The following CAB39 variants were observed in gnomAD, a reference collection of about 807,000 sequenced individuals.
The protein encoded by CAB39 is calcium-binding protein 39.
In CAB39, 8 loss-of-function variants were observed where a neutral mutation model predicts 40.0. The observed-to-expected ratio is 0.20, with a 90% CI of 0.12 to 0.36. CAB39 has a LOEUF of 0.36. Among genes scored for constraint, CAB39 ranks in the 10% least tolerant of loss-of-function variants. The probability of loss-of-function intolerance (pLI) is 1.00; values close to 1 mark genes in which losing one functional copy is unlikely to be tolerated. For missense variants in CAB39, 270 were observed against 401.1 expected (o/e 0.67, Z 2.79); for synonymous variants, 156 against 141.6 (o/e 1.10, Z -0.72).
At chr2:230,736,689 G>C (rs148923169) in intron 1 of CAB39, among the ~76,000 whole-genome samples, 86 of 152,266 alleles carry the variant, frequency 5.6e-4, no homozygotes, top group African/African-American at 2.0e-3. Flanking sequence ...TCAAATCGTG[G>C]TCAGGAGGAG....
chr2:230,811,894 G>T (rs1167399347), intron 6 of CAB39, among the ~76,000 whole-genome samples: 1 of 152,188 alleles, frequency 6.6e-6, no homozygotes, highest in African/African-American at 2.4e-5. Context: ...CAGTAAAATA[G>T]CTTCCTACAT....
intron 2 of CAB39, chr2:230,779,104 T>A (rs930895193): frequency 6.6e-6 from 1 of 152,202 alleles, no homozygotes; most frequent in African/African-American, 2.4e-5. Flanking sequence ...ATTTTAACTT[T>A]AAAAAATTAT....
intron 1 of CAB39, among the ~76,000 whole-genome samples, chr2:230,755,493 GT>G (rs1388781573): frequency 5.3e-5 from 8 of 151,950 alleles, no homozygotes; most frequent in East Asian, 1.9e-4. Context: ...GGGATTATTG[GT>G]TTTTTTCTTA....
In CAB39 at chr2:230,802,895, C is replaced by T. The variant is rs1052600294; in HGVS notation, c.567+3998C>T. Among the ~76,000 whole-genome samples the T allele has an allele frequency of 3.9e-5, 6 of 152,260 alleles. No individual in the cohort carries two copies. The East Asian group carries it at 9.6e-4, about 24-fold the overall frequency. On this transcript the variant is annotated intron_variant, in intron 5 of 8. Transcript: ENST00000258418. ...TCAACAGAAAAAGAGGGAATCTTCC[C>T]TAACTCATTTTATGAGGCCAGCATC...
At chr2:230,733,082 A>G (rs1282511238) in intron 1 of CAB39, among the ~76,000 whole-genome samples, 2 of 152,192 alleles carry the variant, frequency 1.3e-5, no homozygotes, top group Non-Finnish European at 2.9e-5. Flanking sequence ...AGATTGAGAA[A>G]TGGACATGCA....
intron 1 of CAB39, among the ~76,000 whole-genome samples, chr2:230,718,130 A>G (rs1209608203): frequency 6.6e-6 from 1 of 152,212 alleles, no homozygotes; most frequent in Non-Finnish European, 1.5e-5. Context: ...TTATATGGTA[A>G]TTATTCTTTG....
chr2:230,728,058 G>A (rs1366200865), intron 1 of CAB39, among the ~76,000 whole-genome samples: 1 of 151,808 alleles, frequency 6.6e-6, no homozygotes, highest in Non-Finnish European at 1.5e-5. Context: ...GGTCAACATG[G>A]TGAAACCCAG....
At chr2:230,786,353 T>C (rs1695793619) in intron 2 of CAB39, among the ~76,000 whole-genome samples, 1 of 150,946 alleles carries the variant, frequency 6.6e-6, no homozygotes, top group Non-Finnish European at 1.5e-5. Context: ...CCTTCCTTTT[T>C]TTGGGGGGTG....
chr2:230,727,220 T>C (rs1307923727), intron 1 of CAB39, among the ~76,000 whole-genome samples: 1 of 149,776 alleles, frequency 6.7e-6, no homozygotes, highest in South Asian at 2.1e-4. Context: ...TTTAATAATA[T>C]ATGTAAATAT....
At chr2:230,802,882 G>C (rs1696116968) in intron 5 of CAB39, among the ~76,000 whole-genome samples, 1 of 152,182 alleles carries the variant, frequency 6.6e-6, no homozygotes, top group South Asian at 2.1e-4. Context: ...AACAGAAAAA[G>C]AGGGAATCTT....
At chr2:230,746,506 G>T (rs910277799) in intron 1 of CAB39, among the ~76,000 whole-genome samples, 4 of 152,154 alleles carry the variant, frequency 2.6e-5, no homozygotes, top group Non-Finnish European at 4.4e-5. Flanking sequence ...ATTCCATCTT[G>T]GGTATTACGT....
intron 1 of CAB39, among the ~76,000 whole-genome samples, chr2:230,730,184 A>G (rs1459629959): frequency 6.6e-6 from 1 of 152,120 alleles, no homozygotes; most frequent in South Asian, 2.1e-4. Flanking sequence ...ATCATGGTTC[A>G]CTTCAGCCTC....
intron 1 of CAB39, among the ~76,000 whole-genome samples, chr2:230,759,412 C>T (rs978754468): frequency 2.0e-5 from 3 of 152,132 alleles, no homozygotes; most frequent in African/African-American, 7.2e-5. Context: ...AACTTTTTGC[C>T]TCAGTTGCCT....
intron 1 of CAB39, among the ~76,000 whole-genome samples, chr2:230,733,096 GA>G (rs1694723967): frequency 6.6e-6 from 1 of 152,164 alleles, no homozygotes; most frequent in Non-Finnish European, 1.5e-5. Flanking sequence ...ACATGCACAG[GA>G]AAGTTGACTA....
chr2:230,736,926 T>C (rs1694797392), intron 1 of CAB39, among the ~76,000 whole-genome samples: 1 of 152,158 alleles, frequency 6.6e-6, no homozygotes, highest in Non-Finnish European at 1.5e-5. Context: ...TAATTAAAAT[T>C]GAGTACCAGA....
chr2:230,749,812 A>C (rs778628134), intron 1 of CAB39, among the ~76,000 whole-genome samples: 12 of 152,238 alleles, frequency 7.9e-5, no homozygotes, highest in Non-Finnish European at 1.6e-4. Flanking sequence ...ATACACTCGT[A>C]GAAGTGTAAT....
At chr2:230,746,370 A>G (rs1365589989) in intron 1 of CAB39, among the ~76,000 whole-genome samples, 1 of 152,214 alleles carries the variant, frequency 6.6e-6, no homozygotes, top group Non-Finnish European at 1.5e-5. Context: ...AACACACCTT[A>G]ATCAATGACT....
intron 1 of CAB39, among the ~76,000 whole-genome samples, chr2:230,747,796 C>T (rs1695001970): frequency 6.6e-6 from 1 of 152,172 alleles, no homozygotes; most frequent in Admixed American, 6.5e-5. Flanking sequence ...TTTCCAGCTT[C>T]AACAGTTAAT....
In CAB39 at chr2:230,793,291, A is replaced by G. The variant is rs1695922557; in HGVS notation, c.358A>G (p.Ile120Val). The change falls in exon 4 of 9, where the codon ATC becomes GTC. Residue 120 changes from isoleucine (I) to valine (V), a missense_variant. Coordinates refer to ENST00000258418, the MANE Select transcript of CAB39 (RefSeq NM_016289.4). ...IGTRTPTVEYICTQQNILFML... is the reference protein window; with the variant it reads ...IGTRTPTVEYVCTQQNILFML... The stretch of plus-strand genomic sequence containing the variant: ...TACGAGAACTCCTACTGTTGAATAC[A>G]TCTGCACCCAACAGAATATTTTGTT... 6.2e-7 allele frequency: 1 copy of G among 1,606,476 alleles called. No homozygotes were observed. The highest frequency in any genetic ancestry group is 1.1e-5 in the South Asian group (1 of 90,674).
Sources: allele counts gnomAD v4.1 joint callset (sites outside exome capture counted in the v4.1 genomes callset), GRCh38; gene constraint gnomAD v4.1.1; transcripts MANE v1.5; gene names NCBI Gene and HGNC (gene_info 2026-07-23, HGNC 2026-07-21).